The following NAPB variants were observed in gnomAD, a reference collection of about 807,000 sequenced individuals.
NAPB encodes the protein NSF attachment protein beta.
In NAPB, 26 loss-of-function variants were observed where a neutral mutation model predicts 44.7. The ratio of observed to expected loss-of-function variants is 0.58; its 90% CI spans 0.43 to 0.81. NAPB has a LOEUF of 0.81. Ranked by LOEUF, NAPB falls within the 30% of genes least tolerant of loss-of-function variation. The probability of loss-of-function intolerance (pLI) is 0.00; values close to 1 mark genes in which losing one functional copy is unlikely to be tolerated. For synonymous variants in NAPB, 120 were observed against 116.8 expected, an observed-to-expected ratio of 1.03 and a Z score of -0.18; for missense variants, 315 against 356.4, an observed-to-expected ratio of 0.88 and a Z score of 0.94.
Position 23,374,973 on chromosome 20 carries a change from T to C in NAPB, c.*2403A>G, listed in dbSNP as rs1416838236. 6.6e-6 allele frequency: 1 copy of C among 152,218 alleles called. No homozygotes were observed. The highest frequency in any genetic ancestry group is 1.5e-5 in the Non-Finnish European group (1 of 68,038). 9.4% of individuals were successfully genotyped at this position (152,218 alleles called of 1,614,324 possible). A position where few individuals can be genotyped will look rare whatever the true frequency, so the allele number is the denominator to read the frequency against. On this transcript the variant is annotated 3_prime_UTR_variant, in exon 11 of 11. Transcript: ENST00000377026. ...ACAAGAATTGTACCATAAATAATTA[T>C]ATTTTGTTCATAAGTAACATTCTAT...
chr20:23,384,275 A>G (rs1275820309), intron 7 of NAPB, among the ~76,000 whole-genome samples: 1 of 152,174 alleles, frequency 6.6e-6, no homozygotes, highest in African/African-American at 2.4e-5. Flanking sequence ...CTGGAAAATC[A>G]AGTAGGCTGG....
At chr20:23,416,143 C>T (rs531410432) in intron 1 of NAPB, among the ~76,000 whole-genome samples, 1 of 152,184 alleles carries the variant, frequency 6.6e-6, no homozygotes, top group East Asian at 1.9e-4. Flanking sequence ...ATGCCTCAGG[C>T]TGGGTGAGGT....
Position 23,377,265 on chromosome 20 carries a change from T to C in NAPB, c.*111A>G, listed in dbSNP as rs1219822766. The C allele has an allele frequency of 1.8e-6, 1 of 550,870 alleles. No individual in the cohort carries two copies. Among genetic ancestry groups the C allele is most frequent in the East Asian group, 3.1e-5 (1 of 32,758 alleles). 34.1% of individuals were successfully genotyped at this position (550,870 alleles called of 1,614,324 possible). On this transcript the variant is annotated 3_prime_UTR_variant, in exon 11 of 11. Transcript: ENST00000377026. ...GAGCTTAAACAATACACAGGCCGTC[T>C]GGCTCATATGCAACAAAATTAAGCC...
At chr20:23,391,710 CTATA>C (rs896927677) in intron 5 of NAPB, among the ~76,000 whole-genome samples, 1 of 152,194 alleles carries the variant, frequency 6.6e-6, no homozygotes, top group Admixed American at 6.5e-5. Context: ...TCCAATAAAA[CTATA>C]TTTATGAACA....
intron 5 of NAPB, among the ~76,000 whole-genome samples, chr20:23,393,307 T>TAA (rs576565512): frequency 5.4e-5 from 8 of 146,822 alleles, no homozygotes; most frequent in African/African-American, 7.5e-5. Context: ...ATGGCAATTA[T>TAA]AAAAAAAAAA....
At chr20:23,420,137 T>C (rs1162869448) in intron 1 of NAPB, among the ~76,000 whole-genome samples, 2 of 152,228 alleles carry the variant, frequency 1.3e-5, no homozygotes, top group African/African-American at 4.8e-5. Flanking sequence ...TTTCTCATCC[T>C]AAACAGCTGA....
chr20:23,381,143 A>G (rs1407673018), intron 8 of NAPB, 70 bp downstream of exon 8: 1 of 1,048,446 alleles, frequency 9.5e-7, no homozygotes, highest in African/African-American at 1.6e-5. Flanking sequence ...AAATGATACC[A>G]AGAACAAGAG....
intron 5 of NAPB, among the ~76,000 whole-genome samples, chr20:23,393,449 T>G (rs1473795007): frequency 6.6e-6 from 1 of 152,182 alleles, no homozygotes; most frequent in East Asian, 1.9e-4. Context: ...TAGCAGATCC[T>G]TCCCCAGACC....
At chr20:23,420,680 G>A (rs1446755891) in intron 1 of NAPB, among the ~76,000 whole-genome samples, 1 of 152,092 alleles carries the variant, frequency 6.6e-6, no homozygotes, top group Non-Finnish European at 1.5e-5. Flanking sequence ...GGCCCCACGC[G>A]CGCCCCGAGC....
chr20:23,401,475 AGAT>A (rs1984839784), intron 2 of NAPB, among the ~76,000 whole-genome samples: 1 of 152,204 alleles, frequency 6.6e-6, no homozygotes, highest in African/African-American at 2.4e-5. Flanking sequence ...CCCAGGCAAC[AGAT>A]GACGCGGGGT....
intron 1 of NAPB, among the ~76,000 whole-genome samples, chr20:23,408,495 C>A (rs777128765): frequency 6.6e-6 from 1 of 152,196 alleles, no homozygotes; most frequent in African/African-American, 2.4e-5. Flanking sequence ...CTGAACGTGC[C>A]TCTGCCATAC....
intron 7 of NAPB, among the ~76,000 whole-genome samples, chr20:23,386,977 A>C (rs1197740522): frequency 6.6e-6 from 1 of 152,218 alleles, no homozygotes; most frequent in Non-Finnish European, 1.5e-5. Flanking sequence ...TTGGTTCAAC[A>C]TATGAAAATC....
At chr20:23,406,906 A>G (rs146061407) in intron 1 of NAPB, among the ~76,000 whole-genome samples, 132 of 152,330 alleles carry the variant, frequency 8.7e-4, no homozygotes, top group African/African-American at 3.1e-3. Flanking sequence ...GAGTTCCTAC[A>G]TTATTCCAGG....
chr20:23,420,809 GCCC>G (rs66487020), intron 1 of NAPB, among the ~76,000 whole-genome samples: 1 of 148,690 alleles, frequency 6.7e-6, no homozygotes, highest in Non-Finnish European at 1.5e-5. Context: ...GAGGCTGACA[GCCC>G]CCCCCCCAGA....
At chr20:23,407,170 G>A (rs1266015817) in intron 1 of NAPB, among the ~76,000 whole-genome samples, 1 of 152,126 alleles carries the variant, frequency 6.6e-6, no homozygotes, top group East Asian at 1.9e-4. Context: ...AAACCCATTT[G>A]TCATAAACTG....
At chr20:23,403,474 G>GCA (rs1985003660) in intron 1 of NAPB, among the ~76,000 whole-genome samples, 1 of 152,126 alleles carries the variant, frequency 6.6e-6, no homozygotes, top group Non-Finnish European at 1.5e-5. Flanking sequence ...GTGGTGGCAT[G>GCA]TGCCTGTAGT....
At chr20:23,384,641 A>G (rs1157900173) in intron 7 of NAPB, among the ~76,000 whole-genome samples, 5 of 152,166 alleles carry the variant, frequency 3.3e-5, no homozygotes, top group Admixed American at 6.5e-5. Context: ...GAAAGAAAGA[A>G]AAAAAAGAAA....
intron 7 of NAPB, among the ~76,000 whole-genome samples, 193 bp from the exon 8 acceptor site, chr20:23,381,510 C>T (rs536007348): frequency 7.3e-4 from 111 of 152,192 alleles, no homozygotes; most frequent in Non-Finnish European, 1.3e-3. Context: ...AAGTCTTAAC[C>T]AGTTAAAAAT....
chr20:23,385,741 AAGAG>A (rs1983458835), intron 7 of NAPB, among the ~76,000 whole-genome samples: 1 of 144,740 alleles, frequency 6.9e-6, no homozygotes, highest in Non-Finnish European at 1.5e-5. Context: ...AAAGAAGAGA[AAGAG>A]AGAGAGAGAA....
Sources: allele counts gnomAD v4.1 joint callset (sites outside exome capture counted in the v4.1 genomes callset), GRCh38; gene constraint gnomAD v4.1.1; transcripts MANE v1.5; gene names NCBI Gene and HGNC (gene_info 2026-07-23, HGNC 2026-07-21).